The following PPP1R14D variants were observed in gnomAD, a reference collection of about 807,000 sequenced individuals.
PPP1R14D encodes the protein protein phosphatase 1 regulatory subunit 14D.
In PPP1R14D, 14 loss-of-function variants were observed where a neutral mutation model predicts 17.1. That is an observed-to-expected ratio of 0.82 (90% CI 0.54 to 1.28). PPP1R14D has a LOEUF of 1.28. Among genes scored for constraint, PPP1R14D ranks in the 50% most tolerant of loss-of-function variants. The pLI, the probability that PPP1R14D is intolerant of heterozygous loss-of-function variation, is 0.00. For missense variants in PPP1R14D, 173 were observed against 179.2 expected, an observed-to-expected ratio of 0.97 and a Z score of 0.20; for synonymous variants, 67 against 66.1, an observed-to-expected ratio of 1.01 and a Z score of -0.06.
intron 1 of PPP1R14D, among the ~76,000 whole-genome samples, chr15:40,827,953 A>C (rs1321365580): frequency 1.3e-5 from 2 of 152,036 alleles, no homozygotes; most frequent in Non-Finnish European, 2.9e-5. Context: ...AAACAAAAGA[A>C]AGAAAGAAAG....
chr15:40,823,834 A>G (rs1373683468), intron 1 of PPP1R14D, among the ~76,000 whole-genome samples: 2 of 152,174 alleles, frequency 1.3e-5, no homozygotes, highest in Admixed American at 1.3e-4. Flanking sequence ...GCAGGGCATG[A>G]CTATATATTG....
Position 40,828,465 on chromosome 15 carries a change from C to T in PPP1R14D, c.177G>A (p.Val59=). Residue 59 remains valine, a synonymous_variant, in exon 1 of 4, where the codon GTG becomes GTA. Transcript: ENST00000299174. ...GCTGGAGCTGGCCCCGGTCATACTT[C>T]ACTGTCAGGCGGCTGGGTCTCCGGG... is the stretch of plus-strand genomic sequence containing the variant. ...PRSRRPSRLT[V]KYDRGQLQRW... is the part of the protein sequence containing the mutation. 2 of 1,614,206 alleles carry T rather than the reference C, an allele frequency of 1.2e-6. No homozygotes were observed. Among genetic ancestry groups the T allele is most frequent in the South Asian group, 2.2e-5 (2 of 91,084 alleles).
At chr15:40,820,405 C>A (rs1596126491) in intron 1 of PPP1R14D, among the ~76,000 whole-genome samples, 2 of 151,866 alleles carry the variant, frequency 1.3e-5, no homozygotes, top group African/African-American at 4.8e-5. Flanking sequence ...GTGATCCACC[C>A]ACCTCAGCCT....
At chr15:40,815,915 C>G (rs372494011) in intron 3 of PPP1R14D, 47 bp downstream of exon 3, 6 of 1,608,820 alleles carry the variant, frequency 3.7e-6, no homozygotes, top group East Asian at 4.5e-5. Context: ...GCTACCTCCC[C>G]CATTGGGCCT....
In PPP1R14D at chr15:40,828,606, G is replaced by A. The variant is rs766365856; in HGVS notation, c.36C>T (p.Pro12=). ...LSSSPASCTS[P]SPDGENPCKK... ...TACATGGGTTCTCCCCATCTGGGCT[G>A]GGAGATGTGCAGGAAGCAGGGCTTG... Residue 12 remains proline (P), a synonymous_variant, in exon 1 of 4, where the codon CCC becomes CCT. Coordinates refer to ENST00000299174, the MANE Select transcript of PPP1R14D (RefSeq NM_017726.8). 1.2e-6 allele frequency: 2 copies of A among 1,613,732 alleles called. No individual in the cohort carries two copies. Among genetic ancestry groups the A allele is most frequent in the Non-Finnish European group, 8.5e-7 (1 of 1,179,848 alleles).
intron 3 of PPP1R14D, 27 bp downstream of exon 3, chr15:40,815,935 C>G: frequency 6.2e-7 from 1 of 1,613,656 alleles, no homozygotes; most frequent in Non-Finnish European, 8.5e-7. Context: ...TCCTCTTACC[C>G]CAGACCAGCA....
In PPP1R14D at chr15:40,828,652, G is replaced by C; in HGVS notation, c.-11C>G. On this transcript the variant is annotated 5_prime_UTR_variant, in exon 1 of 4. Coordinates refer to ENST00000299174, the MANE Select transcript of PPP1R14D (RefSeq NM_017726.8). The stretch of plus-strand genomic sequence containing the variant: ...GCTTGAAGACAGCATGGAAGTATTG[G>C]TCTGGGCAAGGAGCTGGGAAAAACC... 1 of 1,599,194 alleles carries C rather than the reference G, an allele frequency of 6.3e-7. No individual in the cohort carries two copies. Among genetic ancestry groups the C allele is most frequent in the African/African-American group, 1.3e-5 (1 of 74,816 alleles).
In PPP1R14D at chr15:40,828,411, A is replaced by T. The variant is rs200935440; in HGVS notation, c.231T>A (p.Asp77Glu). The T allele has an allele frequency of 3.1e-6, 5 of 1,608,566 alleles. No individual in the cohort carries two copies. The highest frequency in any genetic ancestry group is 4.2e-6 in the Non-Finnish European group (5 of 1,177,396). ...CCTGGAAGAGCTCCTGAACTTGAGC[A>T]TCCACCCATTGCTCCATCTCCAGCC... The part of the protein sequence containing the change: ...QRWLEMEQWV[D>E]AQVQELFQDQ... Residue 77 changes from aspartate to glutamate, a missense_variant, in exon 1 of 4, where the codon GAT (aspartate) becomes GAA (glutamate). Coordinates refer to ENST00000299174, the MANE Select transcript of PPP1R14D (RefSeq NM_017726.8).
chr15:40,820,109 G>A (rs1336884263), intron 1 of PPP1R14D, among the ~76,000 whole-genome samples: 1 of 149,038 alleles, frequency 6.7e-6, no homozygotes, highest in Non-Finnish European at 1.5e-5. Context: ...CAGGTGATCT[G>A]CCCGCCTCGG....
chr15:40,819,927 C>CA (rs1223119172), intron 1 of PPP1R14D, among the ~76,000 whole-genome samples: 2 of 148,852 alleles, frequency 1.3e-5, no homozygotes, highest in Non-Finnish European at 3.0e-5. Flanking sequence ...AGTGCAATGG[C>CA]ATGATCTCGG....
intron 1 of PPP1R14D, among the ~76,000 whole-genome samples, chr15:40,820,246 C>T (rs1238972365): frequency 6.6e-6 from 1 of 151,544 alleles, no homozygotes; most frequent in African/African-American, 2.4e-5. Flanking sequence ...GCAACCTCTG[C>T]CTCCCAGGGT....
intron 1 of PPP1R14D, among the ~76,000 whole-genome samples, chr15:40,823,660 A>ACTG (rs1261854395): frequency 6.6e-6 from 1 of 152,244 alleles, no homozygotes; most frequent in East Asian, 1.9e-4. Flanking sequence ...AGTACAGTAA[A>ACTG]CTGCTGTACA....
At chr15:40,821,054 C>G (rs1890767726) in intron 1 of PPP1R14D, among the ~76,000 whole-genome samples, 1 of 151,292 alleles carries the variant, frequency 6.6e-6, no homozygotes, top group Admixed American at 6.6e-5. Flanking sequence ...AAAAAAGAAC[C>G]AGGCCGGGTG....
In PPP1R14D at chr15:40,828,678, G is replaced by A. The variant is rs765849707; in HGVS notation, c.-37C>T. 1.2e-5 allele frequency: 19 copies of A among 1,570,882 alleles called. No homozygotes were observed. Among genetic ancestry groups the A allele is most frequent in the African/African-American group, 5.4e-5 (4 of 73,952 alleles). ...TCTGGGCAAGGAGCTGGGAAAAACC[G>A]CCAGTTCTGAGCAGAGCCACAGAGG... On this transcript the variant is annotated 5_prime_UTR_variant, in exon 1 of 4. Transcript: ENST00000299174.
chr15:40,817,563 T>C (rs974901862), intron 1 of PPP1R14D, among the ~76,000 whole-genome samples: 2 of 151,446 alleles, frequency 1.3e-5, no homozygotes, highest in Non-Finnish European at 2.9e-5. Flanking sequence ...GAATGCAAAA[T>C]GGTATGGCTA....
At chr15:40,818,856 G>T (rs1890722414) in intron 1 of PPP1R14D, among the ~76,000 whole-genome samples, 2 of 147,904 alleles carry the variant, frequency 1.4e-5, no homozygotes, top group South Asian at 2.1e-4. Context: ...CATGGACTTT[G>T]GTTGATAATG....
intron 1 of PPP1R14D, among the ~76,000 whole-genome samples, chr15:40,826,551 G>T (rs904168756): frequency 1.3e-5 from 2 of 152,158 alleles, no homozygotes; most frequent in African/African-American, 4.8e-5. Context: ...TATTTCAAGT[G>T]TGGAGAACCA....
intron 1 of PPP1R14D, among the ~76,000 whole-genome samples, chr15:40,825,383 T>C (rs1280663792): frequency 6.6e-6 from 1 of 151,800 alleles, no homozygotes; most frequent in Non-Finnish European, 1.5e-5. Context: ...GAAACTCATG[T>C]GTGTTTAAGT....
chr15:40,824,676 CT>C (rs1478154434), intron 1 of PPP1R14D, among the ~76,000 whole-genome samples: 4 of 152,096 alleles, frequency 2.6e-5, no homozygotes, highest in East Asian at 1.9e-4. Flanking sequence ...GCTGACAATA[CT>C]TTTTTTAAGT....
Sources: allele counts gnomAD v4.1 joint callset (sites outside exome capture counted in the v4.1 genomes callset), GRCh38; gene constraint gnomAD v4.1.1; transcripts MANE v1.5; gene names NCBI Gene and HGNC (gene_info 2026-07-23, HGNC 2026-07-21).